Variants in DLG2 observed in about 807,000 individuals in gnomAD.
The protein encoded by DLG2 is disks large homolog 2.
In DLG2, 45 loss-of-function variants were observed where a neutral mutation model predicts 132.5. That is an observed-to-expected ratio of 0.34 (90% CI 0.27 to 0.44). The LOEUF (loss-of-function observed/expected upper bound fraction) is 0.44, where lower values mean the gene tolerates loss of function less well. DLG2 is among the 20% of genes least tolerant of loss of function. The probability of loss-of-function intolerance (pLI) is 1.00; values close to 1 mark genes in which losing one functional copy is unlikely to be tolerated. For synonymous variants in DLG2, 424 were observed against 419.6 expected (o/e 1.01, Z -0.13); for missense variants, 1,045 against 1,196.9 (o/e 0.87, Z 1.87).
chr11:85,463,610 AT>A (rs2092685966), intron 3 of DLG2, among the ~76,000 whole-genome samples: 1 of 151,964 alleles, frequency 6.6e-6, no homozygotes, highest in African/African-American at 2.4e-5. Context: ...CTATAAAAAA[AT>A]TTTTTTTAAA....
intron 6 of DLG2, among the ~76,000 whole-genome samples, chr11:84,906,432 A>G (rs1293530118): frequency 6.6e-6 from 1 of 150,432 alleles, no homozygotes; most frequent in East Asian, 2.0e-4. Context: ...AAGGGGTGGC[A>G]ATAATTAGTG....
rs2099056058 is a variant in DLG2 at position 84,453,072 on chromosome 11, A to C, written c.519+81498T>G. On this transcript the variant is annotated intron_variant, in intron 7 of 27. Coordinates refer to ENST00000376104, the MANE Select transcript of DLG2 (RefSeq NM_001142699.3). ...GTATATCTACTATGTATAAATTTTC[A>C]AAAAAAAATAAATTTAAAAAAAGAA... Among the ~76,000 whole-genome samples, 3 of 150,412 alleles carry C rather than the reference A, an allele frequency of 2.0e-5. No homozygotes were observed. In the South Asian group the frequency reaches 6.3e-4, roughly 31 times the overall value.
At chr11:85,207,974 C>T (rs2082012749) in intron 4 of DLG2, among the ~76,000 whole-genome samples, 1 of 152,008 alleles carries the variant, frequency 6.6e-6, no homozygotes. Flanking sequence ...GCATTCTCCA[C>T]CTCTTCTGAG....
At chr11:85,240,279 T>C (rs2075811518) in intron 4 of DLG2, among the ~76,000 whole-genome samples, 1 of 151,910 alleles carries the variant, frequency 6.6e-6, no homozygotes, top group Non-Finnish European at 1.5e-5. Context: ...ATGATCATTA[T>C]ATATTGATGT....
rs532192353 is a variant in DLG2 at position 83,525,093 on chromosome 11, A to G, written c.2193+7615T>C. On this transcript the variant is annotated intron_variant, in intron 21 of 27. Coordinates refer to ENST00000376104, the MANE Select transcript of DLG2 (RefSeq NM_001142699.3). ...CATTCCACAGAATAGCAGTTTCGTCATCAGCAACTTGAGACAAATAGACTA... is the reference window on the plus strand; with the variant it reads ...CATTCCACAGAATAGCAGTTTCGTCGTCAGCAACTTGAGACAAATAGACTA... 1.6e-4 allele frequency among the ~76,000 whole-genome samples: 25 copies of G among 152,358 alleles called. No homozygotes were observed. The East Asian group carries it at 4.6e-3, about 28-fold the overall frequency.
At chr11:85,066,525 T>C (rs966416861) in intron 6 of DLG2, among the ~76,000 whole-genome samples, 7 of 151,500 alleles carry the variant, frequency 4.6e-5, no homozygotes, top group Non-Finnish European at 7.4e-5. Flanking sequence ...TACCTGAAGA[T>C]AGAGGCAAAA....
chr11:83,939,434 A>C (rs1036577681), intron 14 of DLG2, among the ~76,000 whole-genome samples: 1 of 152,190 alleles, frequency 6.6e-6, no homozygotes, highest in African/African-American at 2.4e-5. Flanking sequence ...GAAAAAAAGC[A>C]AGGCCATTCC....
intron 17 of DLG2, among the ~76,000 whole-genome samples, chr11:83,802,319 A>G (rs189471973): frequency 2.3e-4 from 35 of 152,246 alleles, no homozygotes; most frequent in African/African-American, 6.3e-4. Context: ...CTACCCTTCA[A>G]GATCTGCTTT....
At chr11:85,464,007 C>CACACACACACAT (rs1555141442) in intron 3 of DLG2, among the ~76,000 whole-genome samples, 38 of 149,150 alleles carry the variant, frequency 2.5e-4, no homozygotes, top group African/African-American at 8.4e-4. Flanking sequence ...CACACACATA[C>CACACACACACAT]ACACACACAC....
chr11:84,981,875 G>C (rs2055807180), intron 6 of DLG2, among the ~76,000 whole-genome samples: 1 of 151,950 alleles, frequency 6.6e-6, no homozygotes. Context: ...CACGCAAAGA[G>C]CTCTCATTAA....
At chr11:83,613,414 T>A (rs1331082604) in intron 19 of DLG2, among the ~76,000 whole-genome samples, 1 of 151,418 alleles carries the variant, frequency 6.6e-6, no homozygotes, top group Non-Finnish European at 1.5e-5. Flanking sequence ...AATTAAGAAT[T>A]TCTAATCAGT....
At chr11:85,222,112 G>A (rs182482127) in intron 4 of DLG2, among the ~76,000 whole-genome samples, 17 of 151,586 alleles carry the variant, frequency 1.1e-4, no homozygotes, top group Admixed American at 9.2e-4. Flanking sequence ...CTAACATTTC[G>A]GTTTTTTGTT....
intron 3 of DLG2, among the ~76,000 whole-genome samples, chr11:85,421,257 G>A (rs1179156193): frequency 2.0e-5 from 3 of 152,094 alleles, no homozygotes; most frequent in South Asian, 4.2e-4. Context: ...GCTTCAGCTT[G>A]TCCTTTGTGG....
At chr11:84,598,920 G>T (rs906260058) in intron 6 of DLG2, among the ~76,000 whole-genome samples, 1 of 151,200 alleles carries the variant, frequency 6.6e-6, no homozygotes, top group African/African-American at 2.4e-5. Flanking sequence ...CTTCAGCCTG[G>T]GTGGCAGAGT....
intron 3 of DLG2, among the ~76,000 whole-genome samples, chr11:85,397,475 A>G (rs1322333022): frequency 6.6e-6 from 1 of 152,150 alleles, no homozygotes; most frequent in East Asian, 1.9e-4. Context: ...TTAAAAGATA[A>G]AGATTGGCAA....
intron 3 of DLG2, among the ~76,000 whole-genome samples, chr11:85,427,789 A>C (rs1278454031): frequency 6.6e-6 from 1 of 152,248 alleles, no homozygotes; most frequent in Non-Finnish European, 1.5e-5. Context: ...TTAACTTTAA[A>C]TGTAAATGGA....
chr11:85,450,566 T>C (rs1354488242), intron 3 of DLG2, among the ~76,000 whole-genome samples: 2 of 152,184 alleles, frequency 1.3e-5, no homozygotes, highest in Non-Finnish European at 2.9e-5. Context: ...TAAAATATTG[T>C]TGCTACTCCA....
intron 7 of DLG2, among the ~76,000 whole-genome samples, chr11:84,429,656 TG>T (rs1309119928): frequency 1.3e-5 from 2 of 152,220 alleles, no homozygotes; most frequent in African/African-American, 4.8e-5. Flanking sequence ...TAAAGCGGGA[TG>T]GCTTCTCTAA....
intron 6 of DLG2, among the ~76,000 whole-genome samples, chr11:84,869,982 G>A (rs2085219581): frequency 6.6e-6 from 1 of 152,214 alleles, no homozygotes; most frequent in African/African-American, 2.4e-5. Flanking sequence ...TCAGCACAAA[G>A]ATGGAAGGAC....
Sources: gnomAD v4.1 joint callset for allele counts (sites outside exome capture counted in the v4.1 genomes callset) on GRCh38, gnomAD v4.1.1 for gene constraint, MANE v1.5 for transcripts, NCBI Gene and HGNC (gene_info 2026-07-23, HGNC 2026-07-21) for gene names.